The following MAN1A1 variants were observed in gnomAD, a reference collection of about 807,000 sequenced individuals.
MAN1A1 encodes mannosyl-oligosaccharide 1,2-alpha-mannosidase IA.
In MAN1A1, 29 loss-of-function variants were observed where a neutral mutation model predicts 70.8. The observed-to-expected ratio is 0.41, with a 90% CI of 0.31 to 0.56. The LOEUF is 0.56. Among genes scored for constraint, MAN1A1 ranks in the 20% least tolerant of loss-of-function variants. The pLI, the probability that MAN1A1 is intolerant of heterozygous loss-of-function variation, is 0.29. For missense variants in MAN1A1, 747 were observed against 841.3 expected (o/e 0.89, Z 1.39); for synonymous variants, 349 against 330.1 (o/e 1.06, Z -0.62).
intron 8 of MAN1A1, among the ~76,000 whole-genome samples, chr6:119,200,761 T>C (rs1460725768): frequency 6.6e-6 from 1 of 152,232 alleles, no homozygotes; most frequent in East Asian, 1.9e-4. Flanking sequence ...AAGAAACCTT[T>C]ATATCTGGCA....
intron 2 of MAN1A1, among the ~76,000 whole-genome samples, chr6:119,328,930 T>G (rs1478711665): frequency 6.6e-6 from 1 of 152,224 alleles, no homozygotes; most frequent in Admixed American, 6.5e-5. Flanking sequence ...AATGAATATA[T>G]AGCAGAACTC....
chr6:119,204,745 T>C lies in MAN1A1; in HGVS notation c.1116+14A>G, dbSNP rs767722579. The C allele has an allele frequency of 1.7e-5, 28 of 1,613,694 alleles. No homozygotes were observed. Among genetic ancestry groups the C allele is most frequent in the African/African-American group, 1.1e-4 (8 of 74,912 alleles). ...GTGTTGCTTTGCAGGCCAAGGCACA[T>C]TGAAGAATCTCACCTTTTCAGCAAA... On this transcript the variant is annotated intron_variant, in intron 7 of 12. Transcript: ENST00000368468.
At chr6:119,255,723 C>A (rs935511785) in intron 5 of MAN1A1, among the ~76,000 whole-genome samples, 1 of 152,190 alleles carries the variant, frequency 6.6e-6, no homozygotes, top group Non-Finnish European at 1.5e-5. Context: ...CAAGTGAATA[C>A]CAGCTTCCTG....
At chr6:119,213,798 A>G (rs1348003104) in intron 6 of MAN1A1, among the ~76,000 whole-genome samples, 1 of 152,234 alleles carries the variant, frequency 6.6e-6, no homozygotes, top group Non-Finnish European at 1.5e-5. Flanking sequence ...ACGGTAATCC[A>G]TTATATTTTC....
At chr6:119,332,897 G>A (rs932633224) in intron 2 of MAN1A1, among the ~76,000 whole-genome samples, 2 of 152,002 alleles carry the variant, frequency 1.3e-5, no homozygotes, top group African/African-American at 4.8e-5. Context: ...TATACCAGTG[G>A]AAGACTCCGG....
intron 8 of MAN1A1, among the ~76,000 whole-genome samples, chr6:119,200,198 C>A (rs1773679485): frequency 6.6e-6 from 1 of 152,248 alleles, no homozygotes; most frequent in Admixed American, 6.5e-5. Context: ...GTAAATATGA[C>A]TAAGACATGT....
In MAN1A1 at chr6:119,248,265, C is replaced by T. The variant is rs1178765127; in HGVS notation, c.987G>A (p.Met329Ile). The T allele has an allele frequency of 6.2e-7, 1 of 1,603,414 alleles. No homozygotes were observed. The highest frequency in any genetic ancestry group is 8.5e-7 in the Non-Finnish European group (1 of 1,171,340). ...PSGIPWALLN[M>I]KSGIGRNWPW... ...TTGAAAATGAAGAGTTTTACCTTTT[C>T]ATATTCAGCAATGCCCAAGGTATTC... is the stretch of plus-strand genomic sequence containing the variant. The change falls in exon 6 of 13, where the codon ATG (methionine) becomes ATA (isoleucine). Residue 329 changes from methionine to isoleucine, a missense_variant. Transcript: ENST00000368468.
chr6:119,283,220 G>GC (rs1188037873), intron 5 of MAN1A1, among the ~76,000 whole-genome samples: 2 of 152,130 alleles, frequency 1.3e-5, no homozygotes, highest in Non-Finnish European at 2.9e-5. Context: ...CCTACCCCAA[G>GC]CCTTCCAGGC....
At chr6:119,276,887 T>G (rs1425194527) in intron 5 of MAN1A1, among the ~76,000 whole-genome samples, 2 of 152,172 alleles carry the variant, frequency 1.3e-5, no homozygotes, top group Non-Finnish European at 2.9e-5. Flanking sequence ...GCTTATCTTT[T>G]CTAACCCTAG....
chr6:119,313,595 T>TA (rs957377566), intron 2 of MAN1A1, among the ~76,000 whole-genome samples: 3 of 151,214 alleles, frequency 2.0e-5, no homozygotes, highest in African/African-American at 4.9e-5. Context: ...ATGAGAATTA[T>TA]AAATGGGAAT....
At chr6:119,317,706 AAAG>A (rs1489457329) in intron 2 of MAN1A1, among the ~76,000 whole-genome samples, 1 of 152,206 alleles carries the variant, frequency 6.6e-6, no homozygotes, top group Admixed American at 6.5e-5. Context: ...TAAAGCTGTT[AAAG>A]AAGAGACTTG....
intron 11 of MAN1A1, among the ~76,000 whole-genome samples, chr6:119,185,864 TTA>T (rs1491369355): frequency 1.3e-5 from 2 of 150,304 alleles, no homozygotes; most frequent in African/African-American, 4.9e-5. Context: ...TTTTTTTTTT[TTA>T]AATATAAATC....
chr6:119,201,781 A>G (rs1389130273), intron 7 of MAN1A1, among the ~76,000 whole-genome samples: 1 of 152,212 alleles, frequency 6.6e-6, no homozygotes, highest in East Asian at 1.9e-4. Flanking sequence ...TGTGTAGCAT[A>G]TGTTACTGTA....
intron 5 of MAN1A1, among the ~76,000 whole-genome samples, chr6:119,281,427 C>T (rs116304439): frequency 0.039 from 5,964 of 152,268 alleles, 344 homozygotes; most frequent in African/African-American, 0.13. Flanking sequence ...ATGACTTGCT[C>T]TGGCCAATGA....
At chr6:119,189,429 G>C (rs140512881) in intron 10 of MAN1A1, among the ~76,000 whole-genome samples, 1 of 152,146 alleles carries the variant, frequency 6.6e-6, no homozygotes, top group Non-Finnish European at 1.5e-5. Flanking sequence ...AGTAAATTAG[G>C]CTGGCTTTAA....
intron 6 of MAN1A1, among the ~76,000 whole-genome samples, chr6:119,216,510 G>A (rs139311579): frequency 1.9e-4 from 29 of 152,254 alleles, no homozygotes; most frequent in Admixed American, 1.2e-3. Context: ...CATTTAAGAC[G>A]GGGAAGAGTG....
rs904194595 is a variant in MAN1A1 at position 119,178,437 on chromosome 6, C to T, written c.*1382G>A. On this transcript the variant is annotated 3_prime_UTR_variant, in exon 13 of 13. Transcript: ENST00000368468. ...AGTCCTTGCCCTTCAGTATATGCAT[C>T]GTATTAGCCCTTTCATGGAAGTATA... is the stretch of plus-strand genomic sequence containing the variant. 6.6e-6 allele frequency: 1 copy of T among 151,984 alleles called. No individual in the cohort carries two copies. The highest frequency in any genetic ancestry group is 1.5e-5 in the Non-Finnish European group (1 of 67,958). 9.4% of individuals were successfully genotyped at this position (151,984 alleles called of 1,614,324 possible).
chr6:119,279,547 A>G (rs1776171299), intron 5 of MAN1A1, among the ~76,000 whole-genome samples: 1 of 152,212 alleles, frequency 6.6e-6, no homozygotes. Flanking sequence ...TCTGTACTCA[A>G]CCCTTTAGAA....
intron 6 of MAN1A1, among the ~76,000 whole-genome samples, chr6:119,212,923 G>A (rs1326333461): frequency 6.6e-6 from 1 of 152,096 alleles, no homozygotes; most frequent in African/African-American, 2.4e-5. Context: ...ACTGTTTTAA[G>A]GCAGGATCAG....
Sources: gnomAD v4.1 joint callset for allele counts (sites outside exome capture counted in the v4.1 genomes callset) on GRCh38, gnomAD v4.1.1 for gene constraint, MANE v1.5 for transcripts, NCBI Gene and HGNC (gene_info 2026-07-23, HGNC 2026-07-21) for gene names.